MPZL1: variants seen among roughly 807,000 people sequenced by gnomAD.
MPZL1 encodes the protein myelin protein zero-like protein 1.
In MPZL1, 16 loss-of-function variants were observed where a neutral mutation model predicts 29.3. The ratio of observed to expected loss-of-function variants is 0.55; its 90% CI spans 0.37 to 0.83. The LOEUF (loss-of-function observed/expected upper bound fraction) is 0.83. Ranked by LOEUF, MPZL1 falls within the 40% of genes least tolerant of loss-of-function variation. The pLI, the probability that MPZL1 is intolerant of heterozygous loss-of-function variation, is 0.00. For missense variants in MPZL1, 279 were observed against 332.9 expected (o/e 0.84, Z 1.26); for synonymous variants, 143 against 132.0 (o/e 1.08, Z -0.57).
intron 4 of MPZL1, among the ~76,000 whole-genome samples, chr1:167,775,217 A>G (rs991434203): frequency 6.6e-6 from 1 of 152,230 alleles, no homozygotes; most frequent in African/African-American, 2.4e-5. Context: ...GTAGCCTCCC[A>G]TTTCACAGAA....
intron 5 of MPZL1, among the ~76,000 whole-genome samples, chr1:167,778,972 ATTAG>A (rs1458709006): frequency 6.6e-6 from 1 of 152,120 alleles, no homozygotes; most frequent in Non-Finnish European, 1.5e-5. Flanking sequence ...AATACAAAAA[ATTAG>A]TTGGGCATGG....
intron 4 of MPZL1, among the ~76,000 whole-genome samples, chr1:167,775,537 T>C (rs1253439224): frequency 6.6e-6 from 1 of 152,164 alleles, no homozygotes; most frequent in East Asian, 1.9e-4. Context: ...GGGGATTTGA[T>C]TGTGGTATTG....
chr1:167,742,244 G>A (rs1660546059), intron 1 of MPZL1, among the ~76,000 whole-genome samples: 1 of 151,898 alleles, frequency 6.6e-6, no homozygotes, highest in Admixed American at 6.6e-5. Context: ...AGTGAGCAGA[G>A]ATCATGCCAC....
intron 1 of MPZL1, among the ~76,000 whole-genome samples, chr1:167,730,705 A>G (rs968352072): frequency 6.6e-6 from 1 of 152,174 alleles, no homozygotes; most frequent in Admixed American, 6.5e-5. Context: ...TACACATTAC[A>G]TGTGGAAGAA....
intron 5 of MPZL1, among the ~76,000 whole-genome samples, chr1:167,776,806 T>C (rs1455905545): frequency 6.6e-6 from 1 of 152,198 alleles, no homozygotes; most frequent in Non-Finnish European, 1.5e-5. Flanking sequence ...CATAGCTTAG[T>C]TCAGTTTGAT....
At chr1:167,779,803 G>GA (rs1408301114) in intron 5 of MPZL1, among the ~76,000 whole-genome samples, 2 of 151,964 alleles carry the variant, frequency 1.3e-5, no homozygotes, top group Admixed American at 6.6e-5. Flanking sequence ...AGCAAACACT[G>GA]AAAAAAATAA....
At position 167,791,866 on chromosome 1, in the gene MPZL1, G is replaced by T. The variant is rs565398718; in HGVS notation, c.*3945G>T. On this transcript the variant is annotated 3_prime_UTR_variant, in exon 6 of 6. Transcript: ENST00000359523. ...GGAAGACAATGTGGTGACTTAATTT[G>T]TTGAGAACTATGTTACAAATAATGT... The T allele has an allele frequency of 3.1e-4, 47 of 152,300 alleles. No homozygotes were observed. Among genetic ancestry groups the T allele is most frequent in the Admixed American group, 7.2e-4 (11 of 15,306 alleles). 9.4% of individuals were successfully genotyped at this position (152,300 alleles called of 1,614,324 possible). A position where few individuals can be genotyped will look rare whatever the true frequency, so the allele number is the denominator to read the frequency against.
At position 167,791,216 on chromosome 1, in the gene MPZL1, GT is replaced by G. The variant is rs1661707489; in HGVS notation, c.*3299del. 1 of 152,216 alleles carries G rather than the reference GT, an allele frequency of 6.6e-6. No homozygotes were observed. Among genetic ancestry groups the G allele is most frequent in the African/African-American group, 2.4e-5 (1 of 41,418 alleles). 9.4% of individuals were successfully genotyped at this position (152,216 alleles called of 1,614,324 possible). On this transcript the variant is annotated 3_prime_UTR_variant, in exon 6 of 6. Transcript: ENST00000359523. The stretch of plus-strand genomic sequence containing the variant: ...GTTAACAAGAGACCAGAACCTTGCT[GT>G]TTTGTTCACTGCTCCGTCTGCAGTA...
At position 167,722,197 on chromosome 1, in the gene MPZL1, A is replaced by C. The variant is rs562954825; in HGVS notation, c.46A>C (p.Ser16Arg). 2.9e-5 allele frequency: 36 copies of C among 1,238,666 alleles called. No individual in the cohort carries two copies. In the East Asian group the frequency reaches 9.8e-4, roughly 34 times the overall value. The allele number at this position is 1,238,666 out of a possible 1,614,324, so 76.7% of individuals were successfully genotyped here. A position where few individuals can be genotyped will look rare whatever the true frequency, so the allele number is the denominator to read the frequency against. The change falls in exon 1 of 6, where the codon AGC becomes CGC. Residue 16 changes from serine to arginine, a missense_variant. By Grantham distance (110) the Ser-to-Arg change is moderately radical. Transcript: ENST00000359523. ...CGGGGCGGTGATTGCAGCCCCAGAC[A>C]GCCGGCGCTGGCTGTGGTCGGTGCT... ...GAGAVIAAPD[S>R]RRWLWSVLAA...
chr1:167,784,657 G>C (rs929059689), intron 5 of MPZL1, among the ~76,000 whole-genome samples: 1 of 152,162 alleles, frequency 6.6e-6, no homozygotes, highest in Non-Finnish European at 1.5e-5. Context: ...GATTGAGCTA[G>C]ATCTGTCAGC....
chr1:167,766,873 C>G (rs1661126324), intron 2 of MPZL1, among the ~76,000 whole-genome samples: 1 of 152,164 alleles, frequency 6.6e-6, no homozygotes, highest in Non-Finnish European at 1.5e-5. Flanking sequence ...GTAGAAAAAT[C>G]TGCTAATAAT....
chr1:167,748,430 G>A (rs1660691102), intron 1 of MPZL1, among the ~76,000 whole-genome samples: 1 of 152,128 alleles, frequency 6.6e-6, no homozygotes, highest in African/African-American at 2.4e-5. Flanking sequence ...TATTGGCTAT[G>A]TATGTCTTTG....
At chr1:167,771,197 T>TA (rs1052711142) in intron 2 of MPZL1, among the ~76,000 whole-genome samples, 1 of 152,124 alleles carries the variant, frequency 6.6e-6, no homozygotes, top group Non-Finnish European at 1.5e-5. Context: ...TGATGACTCT[T>TA]AACGAGTATG....
intron 1 of MPZL1, among the ~76,000 whole-genome samples, chr1:167,739,851 A>T (rs1340956104): frequency 6.6e-6 from 1 of 152,158 alleles, no homozygotes; most frequent in African/African-American, 2.4e-5. Flanking sequence ...TAGCAACTCC[A>T]CAATCTTTTC....
chr1:167,777,852 C>T (rs1661405119), intron 5 of MPZL1, among the ~76,000 whole-genome samples: 1 of 152,048 alleles, frequency 6.6e-6, no homozygotes, highest in Non-Finnish European at 1.5e-5. Context: ...AAATTAGTAC[C>T]AGAATAAAGG....
At chr1:167,747,944 C>T (rs895260076) in intron 1 of MPZL1, among the ~76,000 whole-genome samples, 3 of 152,186 alleles carry the variant, frequency 2.0e-5, no homozygotes, top group Non-Finnish European at 4.4e-5. Context: ...AATCTACTTT[C>T]TGTATTAGAA....
At position 167,736,609 on chromosome 1, in the gene MPZL1, C is replaced by T. The variant is rs527236439; in HGVS notation, c.91+14367C>T. Among the ~76,000 whole-genome samples, 5 of 152,288 alleles carry T rather than the reference C, an allele frequency of 3.3e-5. No individual in the cohort carries two copies. The East Asian group carries it at 5.8e-4, about 18-fold the overall frequency. On this transcript the variant is annotated intron_variant, in intron 1 of 5. Transcript: ENST00000359523. ...TTTGGTCTTCATCCTAGAATCCTTC[C>T]CTTTCCTCACCTCACCTCCCTGGAT...
In MPZL1 at chr1:167,735,045, A is replaced by G. The variant is rs1050040785; in HGVS notation, c.91+12803A>G. Among the ~76,000 whole-genome samples the G allele has an allele frequency of 4.6e-5, 7 of 152,328 alleles. No homozygotes were observed. The Middle Eastern group carries it at 0.01, about 222-fold the overall frequency. The stretch of plus-strand genomic sequence containing the variant: ...TTTGATTTTCAGCAATTTCAGCTCT[A>G]TGGCTAACAGAGATAAGGATATCTT... On this transcript the variant is annotated intron_variant, in intron 1 of 5. Transcript: ENST00000359523.
rs560119470 is a variant in MPZL1 at position 167,775,248 on chromosome 1, T to C, written c.606-816T>C. Among the ~76,000 whole-genome samples the C allele has an allele frequency of 2.4e-4, 36 of 152,344 alleles. No individual in the cohort carries two copies. In the South Asian group the frequency reaches 7.3e-3, roughly 31 times the overall value. ...CAGAAGGAACAGTTTGCAGAATGCA[T>C]GGTATGCTTTGGTCTTAGTAATGAC... On this transcript the variant is annotated intron_variant, in intron 4 of 5. Coordinates refer to ENST00000359523, the MANE Select transcript of MPZL1 (RefSeq NM_003953.6).
Sources: allele counts gnomAD v4.1 joint callset (sites outside exome capture counted in the v4.1 genomes callset), GRCh38; gene constraint gnomAD v4.1.1; transcripts MANE v1.5; gene names NCBI Gene and HGNC (gene_info 2026-07-23, HGNC 2026-07-21).